Variants in MCTP1 observed in about 807,000 individuals in gnomAD.
MCTP1 encodes multiple C2 and transmembrane domain-containing protein 1.
Under a neutral mutation model 120.6 loss-of-function variants are expected in MCTP1, and 69 were observed. The observed-to-expected ratio is 0.57, with a 90% CI of 0.47 to 0.70. The LOEUF is 0.70. MCTP1 is among the 30% of genes least tolerant of loss of function. MCTP1 has a pLI of 0.00. For missense variants in MCTP1, 1,203 were observed against 1,248.8 expected, an observed-to-expected ratio of 0.96 and a Z score of 0.55; for synonymous variants, 529 against 493.1, an observed-to-expected ratio of 1.07 and a Z score of -0.96.
At chr5:95,126,569 A>G (rs1345419311) in intron 1 of MCTP1, among the ~76,000 whole-genome samples, 1 of 152,230 alleles carries the variant, frequency 6.6e-6, no homozygotes, top group Non-Finnish European at 1.5e-5. Context: ...CTGTGTGCAC[A>G]CATATGCATC....
intron 17 of MCTP1, among the ~76,000 whole-genome samples, chr5:94,847,796 G>A (rs1433486195): frequency 6.6e-6 from 1 of 151,612 alleles, no homozygotes; most frequent in East Asian, 1.9e-4. Flanking sequence ...TTGTGAGGAT[G>A]CCCCAGATGT....
intron 1 of MCTP1, among the ~76,000 whole-genome samples, chr5:95,228,894 G>A (rs1754605274): frequency 6.6e-6 from 1 of 152,142 alleles, no homozygotes; most frequent in South Asian, 2.1e-4. Context: ...CTCCCCAGAA[G>A]CCGAGCAGAT....
intron 1 of MCTP1, among the ~76,000 whole-genome samples, chr5:95,258,642 G>A (rs1338777950): frequency 6.6e-6 from 1 of 152,104 alleles, no homozygotes; most frequent in Non-Finnish European, 1.5e-5. Flanking sequence ...AATAACAGGG[G>A]AAACTAGGTA....
In MCTP1 at chr5:94,705,821, CATT is replaced by C. The variant is rs1274888183; in HGVS notation, c.*1672_*1674del. The C allele has an allele frequency of 5.3e-5, 8 of 151,524 alleles. No individual in the cohort carries two copies. The highest frequency in any genetic ancestry group is 2.0e-4 in the Admixed American group (3 of 15,168). The allele number at this position is 151,524 out of a possible 1,614,324, so 9.4% of individuals were successfully genotyped here. A position where few individuals can be genotyped will look rare whatever the true frequency, so the allele number is the denominator to read the frequency against. On this transcript the variant is annotated 3_prime_UTR_variant, in exon 23 of 23. Coordinates refer to ENST00000515393, the MANE Select transcript of MCTP1 (RefSeq NM_024717.7). ...CTGTAGTAACATCATGTTCATGGAA[CATT>C]ATGTTTTTAGCAACAAACAGTGATG...
At chr5:95,056,627 C>A (rs1394854649) in intron 1 of MCTP1, among the ~76,000 whole-genome samples, 2 of 152,128 alleles carry the variant, frequency 1.3e-5, no homozygotes, top group Non-Finnish European at 2.9e-5. Flanking sequence ...AGAAACTGAT[C>A]TTTTGCTCTC....
In MCTP1 at chr5:95,238,633, G is replaced by A. The variant is rs146704611; in HGVS notation, c.720+45223C>T. 2.5e-3 allele frequency among the ~76,000 whole-genome samples: 382 copies of A among 152,220 alleles called. 1 individual carries two copies. Among genetic ancestry groups the A allele is most frequent in the Admixed American group, 6.0e-3 (91 of 15,280 alleles). ...CTCATTCAGGAAAAGCAGAACTGCC[G>A]TCACAACCTTTATAACCGAACATGC... On this transcript the variant is annotated intron_variant, in intron 1 of 22. Transcript: ENST00000515393.
At chr5:95,195,387 G>A (rs954818948) in intron 1 of MCTP1, among the ~76,000 whole-genome samples, 1 of 152,172 alleles carries the variant, frequency 6.6e-6, no homozygotes, top group Admixed American at 6.5e-5. Flanking sequence ...GGTGTTTCAT[G>A]TCTGTTTCTG....
In MCTP1 at chr5:94,940,147, A is replaced by G; in HGVS notation, c.1110T>C (p.His370=). Residue 370 remains histidine, a synonymous_variant, in exon 5 of 23, where the codon CAT becomes CAC. Coordinates refer to ENST00000515393, the MANE Select transcript of MCTP1 (RefSeq NM_024717.7). ...CTGAGAGCAAAATGATTCCAAGATCATGGTCAGGATAATGAGGATCTTTCA... is the reference window on the plus strand; with the variant it reads ...CTGAGAGCAAAATGATTCCAAGATCGTGGTCAGGATAATGAGGATCTTTCA... ...LTLKDPHYPD[H]DLGIILLSVI... The G allele has an allele frequency of 1.2e-6, 2 of 1,609,698 alleles. No individual in the cohort carries two copies. Among genetic ancestry groups the G allele is most frequent in the Non-Finnish European group, 1.7e-6 (2 of 1,177,028 alleles).
intron 10 of MCTP1, among the ~76,000 whole-genome samples, chr5:94,906,906 C>T (rs990544370): frequency 6.6e-6 from 1 of 152,108 alleles, no homozygotes; most frequent in Non-Finnish European, 1.5e-5. Flanking sequence ...TTAACAGACA[C>T]AGAATGTTGC....
chr5:95,114,082 A>T (rs1487542539), intron 1 of MCTP1, among the ~76,000 whole-genome samples: 1 of 152,184 alleles, frequency 6.6e-6, no homozygotes, highest in African/African-American at 2.4e-5. Flanking sequence ...CAGTCCTGGC[A>T]AGATCATCAA....
intron 1 of MCTP1, among the ~76,000 whole-genome samples, chr5:95,126,174 G>A (rs1345384683): frequency 6.6e-6 from 1 of 152,138 alleles, no homozygotes; most frequent in Non-Finnish European, 1.5e-5. Flanking sequence ...CACCAGGCCT[G>A]CACTGTTGAA....
At chr5:95,061,002 A>ATTT (rs35187920) in intron 1 of MCTP1, among the ~76,000 whole-genome samples, 17 of 107,210 alleles carry the variant, frequency 1.6e-4, no homozygotes, top group African/African-American at 5.6e-4. Context: ...TCAAATGTAC[A>ATTT]TTTTTTTTTT....
chr5:95,003,625 AGAG>A (rs1201383069), intron 2 of MCTP1, among the ~76,000 whole-genome samples: 2 of 152,228 alleles, frequency 1.3e-5, no homozygotes, highest in East Asian at 3.8e-4. Context: ...TAAAAGAAGA[AGAG>A]AATACAGTAG....
At chr5:94,981,079 C>T (rs1255228285) in intron 2 of MCTP1, among the ~76,000 whole-genome samples, 2 of 152,108 alleles carry the variant, frequency 1.3e-5, no homozygotes, top group East Asian at 1.9e-4. Flanking sequence ...TTGCAATTAT[C>T]CTGCTAAAGC....
intron 1 of MCTP1, among the ~76,000 whole-genome samples, chr5:95,118,470 A>T (rs909585446): frequency 6.6e-6 from 1 of 152,172 alleles, no homozygotes; most frequent in African/African-American, 2.4e-5. Flanking sequence ...CAGAAAGAAA[A>T]GAAGAAAGAG....
intron 1 of MCTP1, among the ~76,000 whole-genome samples, chr5:95,245,488 T>C (rs1369464193): frequency 6.6e-6 from 1 of 152,140 alleles, no homozygotes; most frequent in Non-Finnish European, 1.5e-5. Flanking sequence ...TTAAATGACC[T>C]GATGGAGCTG....
intron 17 of MCTP1, among the ~76,000 whole-genome samples, chr5:94,832,646 A>C (rs557637584): frequency 7.5e-6 from 1 of 132,886 alleles, no homozygotes; most frequent in East Asian, 2.1e-4. Context: ...ACACACACAC[A>C]CTTCCCTACT....
rs1580839000 is a variant in MCTP1, at chr5:94,817,373, T to G, written c.2437-18241A>C. Among the ~76,000 whole-genome samples the G allele has an allele frequency of 2.0e-5, 3 of 151,834 alleles. No homozygotes were observed. The East Asian group carries it at 5.8e-4, about 29-fold the overall frequency. ...CAGTGAGCCGAGATCGCGCCACTGCTCTCCAACCTGGGCGACAGTGAGACT... is the reference window on the plus strand; with the variant it reads ...CAGTGAGCCGAGATCGCGCCACTGCGCTCCAACCTGGGCGACAGTGAGACT... On this transcript the variant is annotated intron_variant, in intron 17 of 22. Coordinates refer to ENST00000515393, the MANE Select transcript of MCTP1 (RefSeq NM_024717.7).
At chr5:94,921,846 G>A (rs1194922291) in intron 7 of MCTP1, among the ~76,000 whole-genome samples, 1 of 152,182 alleles carries the variant, frequency 6.6e-6, no homozygotes, top group Non-Finnish European at 1.5e-5. Flanking sequence ...GAATTTGAAA[G>A]GGTGTCAATT....
Sources: allele counts gnomAD v4.1 joint callset (sites outside exome capture counted in the v4.1 genomes callset), GRCh38; gene constraint gnomAD v4.1.1; transcripts MANE v1.5; gene names NCBI Gene and HGNC (gene_info 2026-07-23, HGNC 2026-07-21).